ANK1: variants seen among roughly 807,000 people sequenced by gnomAD.
ANK1 encodes the protein ankyrin-1.
In ANK1, 51 loss-of-function variants were observed where a neutral mutation model predicts 210.4. That is an observed-to-expected ratio of 0.24 (90% CI 0.19 to 0.31). The LOEUF (loss-of-function observed/expected upper bound fraction) is 0.31, where lower values mean the gene tolerates loss of function less well. Among genes scored for constraint, ANK1 ranks in the 10% least tolerant of loss-of-function variants. The pLI is 1.00. For missense variants in ANK1, 2,051 were observed against 2,504.4 expected, an observed-to-expected ratio of 0.82 and a Z score of 3.86; for synonymous variants, 967 against 1,025.9, an observed-to-expected ratio of 0.94 and a Z score of 1.10.
At chr8:41,875,725 G>A (rs1256852246) in intron 1 of ANK1, among the ~76,000 whole-genome samples, 1 of 152,192 alleles carries the variant, frequency 6.6e-6, no homozygotes, top group Non-Finnish European at 1.5e-5. Context: ...AACACGCTTT[G>A]CAGGGGGAGG....
chr8:41,761,324 G>GATACACACACCTGCACAC (rs965789518), intron 1 of ANK1, among the ~76,000 whole-genome samples: 9 of 149,228 alleles, frequency 6.0e-5, no homozygotes, highest in African/African-American at 2.2e-4. Context: ...CACATGCACA[G>GATACACACACCTGCACAC]ATACACACAC....
chr8:41,715,818 C>G lies in ANK1; in HGVS notation c.1436G>C (p.Arg479Pro), dbSNP rs751917351. Residue 479 changes from arginine (R) to proline (P), a missense_variant, in exon 14 of 43, where the codon CGC becomes CCC. Physicochemically the swap from Arg to Pro is moderately radical, Grantham distance 103 (BLOSUM62 -2). This residue lies in a region of ANK1 where 1,413 missense variants were observed against 1,707.4 expected (regional missense o/e 0.83). Transcript: ENST00000289734. ...CTTCACCATGTTTGTGTGGCCGATGCGAGCTGCACAGTGAAGTGGGGTCTG... is the reference window on the plus strand; with the variant it reads ...CTTCACCATGTTTGTGTGGCCGATGGGAGCTGCACAGTGAAGTGGGGTCTG... Reference protein sequence around the residue: ...DDQTPLHCAARIGHTNMVKLL... With the variant: ...DDQTPLHCAAPIGHTNMVKLL... 1.9e-6 allele frequency: 3 copies of G among 1,614,056 alleles called. No homozygotes were observed. Among genetic ancestry groups the G allele is most frequent in the Non-Finnish European group, 2.5e-6 (3 of 1,180,044 alleles).
At chr8:41,741,918 G>A (rs1433055319) in intron 2 of ANK1, among the ~76,000 whole-genome samples, 1 of 152,118 alleles carries the variant, frequency 6.6e-6, no homozygotes, top group Admixed American at 6.5e-5. Flanking sequence ...ACCTTTTAAG[G>A]CTCTTTTTGG....
In ANK1 at chr8:41,793,283, G is replaced by A. The variant is rs190380521; in HGVS notation, c.27+4229C>T. 2.2e-4 allele frequency among the ~76,000 whole-genome samples: 33 copies of A among 152,318 alleles called. 1 individual carries two copies. Among genetic ancestry groups the A allele is most frequent in the African/African-American group, 7.2e-4 (30 of 41,572 alleles). ...CAGTCCCAGCTAATCTGGAGGCTGA[G>A]GAAGGAGGATCACTTGAGCCCAGGA... On this transcript the variant is annotated intron_variant, in intron 1 of 42. Coordinates refer to ENST00000289734, the MANE Select transcript of ANK1 (RefSeq NM_000037.4).
At chr8:41,703,452 T>TATATA (rs57245303) in intron 20 of ANK1, among the ~76,000 whole-genome samples, 8 of 28,766 alleles carry the variant, frequency 2.8e-4, no homozygotes, top group Admixed American at 8.2e-4. Flanking sequence ...ATATATATAT[T>TATATA]TTTTTTTTTT....
intron 1 of ANK1, among the ~76,000 whole-genome samples, chr8:41,870,814 G>A (rs907567477): frequency 1.3e-5 from 2 of 152,178 alleles, no homozygotes; most frequent in East Asian, 1.9e-4. Flanking sequence ...CCTGGGCTCC[G>A]CTTGGCACAG....
At chr8:41,725,699 C>T in intron 6 of ANK1, 62 bp downstream of exon 6, 1 of 1,564,644 alleles carries the variant, frequency 6.4e-7, no homozygotes, top group East Asian at 2.3e-5. Context: ...TGGGCGTGCG[C>T]GGTGCCCCCT....
chr8:41,811,808 C>G (rs1208208670), intron 1 of ANK1, among the ~76,000 whole-genome samples: 2 of 152,190 alleles, frequency 1.3e-5, no homozygotes, highest in African/African-American at 2.4e-5. Flanking sequence ...GTACATGTAG[C>G]TATTGTTATT....
At chr8:41,679,859 C>T (rs1032881510) in intron 37 of ANK1, among the ~76,000 whole-genome samples, 17 of 152,046 alleles carry the variant, frequency 1.1e-4, no homozygotes, top group Non-Finnish European at 2.2e-4. Context: ...CCACCGCGCC[C>T]GGCCTTCCTG....
intron 1 of ANK1, among the ~76,000 whole-genome samples, chr8:41,863,251 C>T (rs1183757055): frequency 2.0e-5 from 3 of 150,932 alleles, no homozygotes; most frequent in Non-Finnish European, 4.4e-5. Flanking sequence ...CCCAGCTACT[C>T]GGGAGGCTGA....
At chr8:41,679,062 AG>A (rs1815099778) in intron 37 of ANK1, among the ~76,000 whole-genome samples, 1 of 152,224 alleles carries the variant, frequency 6.6e-6, no homozygotes, top group Admixed American at 6.5e-5. Context: ...CTGGGATTAC[AG>A]GCATGAGCCA....
chr8:41,815,571 TAG>T (rs1422519988), intron 1 of ANK1, among the ~76,000 whole-genome samples: 1 of 152,124 alleles, frequency 6.6e-6, no homozygotes, highest in African/African-American at 2.4e-5. Flanking sequence ...ACCTCTAAAC[TAG>T]ACAAAGTTAT....
At chr8:41,791,194 G>GTTTTTTT (rs71239082) in intron 1 of ANK1, among the ~76,000 whole-genome samples, 2 of 70,152 alleles carry the variant, frequency 2.9e-5, no homozygotes, top group African/African-American at 1.1e-4. Flanking sequence ...TACTAACTTT[G>GTTTTTTT]TTTTTTTTTT....
upstream of ANK1, among the ~76,000 whole-genome samples, chr8:41,801,732 G>A (rs1587063211): frequency 1.3e-5 from 2 of 152,112 alleles, no homozygotes. Flanking sequence ...TCTTATCGAG[G>A]TGGAGGAGTT....
At chr8:41,860,356 C>T (rs948273477) in intron 1 of ANK1, among the ~76,000 whole-genome samples, 1 of 152,170 alleles carries the variant, frequency 6.6e-6, no homozygotes, top group Non-Finnish European at 1.5e-5. Flanking sequence ...CAAGAGAACC[C>T]CAAACTACAA....
intron 1 of ANK1, among the ~76,000 whole-genome samples, chr8:41,803,084 G>GAAA (rs1563811110): frequency 1.6e-5 from 1 of 62,696 alleles, no homozygotes; most frequent in Admixed American, 1.9e-4. Flanking sequence ...AGGAAGGAAG[G>GAAA]GAAGGAAAGG....
intron 1 of ANK1, among the ~76,000 whole-genome samples, chr8:41,889,395 G>A (rs557741725): frequency 1.2e-4 from 18 of 152,292 alleles, no homozygotes; most frequent in African/African-American, 4.3e-4. Flanking sequence ...CCTTGATAAA[G>A]AAAGAAGTTT....
chr8:41,888,424 T>C (rs754497693), intron 1 of ANK1, among the ~76,000 whole-genome samples: 1 of 152,200 alleles, frequency 6.6e-6, no homozygotes, highest in Non-Finnish European at 1.5e-5. Flanking sequence ...GACAGAACCA[T>C]GGGGATGCAA....
intron 9 of ANK1, 71 bp downstream of exon 9, chr8:41,723,054 G>C: frequency 7.4e-7 from 1 of 1,359,630 alleles, no homozygotes; most frequent in African/African-American, 1.4e-5. Flanking sequence ...ACAGAAATAG[G>C]ATTTGATGCC....
Sources: gnomAD v4.1 joint callset for allele counts (sites outside exome capture counted in the v4.1 genomes callset) on GRCh38, gnomAD v4.1.1 for gene constraint, gnomAD v4.1.1 regional missense constraint, MANE v1.5 for transcripts, NCBI Gene and HGNC (gene_info 2026-07-23, HGNC 2026-07-21) for gene names.